SLC12A7: variants seen among roughly 807,000 people sequenced by gnomAD.
SLC12A7 encodes the protein K-Cl cotransporter 4.
Under a neutral mutation model 120.6 loss-of-function variants are expected in SLC12A7, and 100 were observed. The observed-to-expected ratio is 0.83, with a 90% CI of 0.71 to 0.98. The LOEUF is 0.98. Among genes scored for constraint, SLC12A7 ranks in the 50% least tolerant of loss-of-function variants. The pLI is 0.00. For missense variants in SLC12A7, 1,373 were observed against 1,548.1 expected (o/e 0.89, Z 1.90); for synonymous variants, 760 against 678.0 (o/e 1.12, Z -1.88).
At chr5:1,119,862 G>T in the SLC12A7 span, among the ~76,000 whole-genome samples, 2 of 152,226 alleles carry the variant, frequency 1.3e-5, no homozygotes, top group Non-Finnish European at 2.9e-5. Context: ...GTAGCCTCAG[G>T]CCTCCCCTCA....
At chr5:1,127,172 G>A in the SLC12A7 span, among the ~76,000 whole-genome samples, 131 of 152,314 alleles carry the variant, frequency 8.6e-4, no homozygotes, top group African/African-American at 3.0e-3. Flanking sequence ...ACGCCACCAC[G>A]CCCAGCTAAT....
chr5:1,082,093 C>T (rs1739208728), intron 8 of SLC12A7, among the ~76,000 whole-genome samples: 1 of 145,186 alleles, frequency 6.9e-6, no homozygotes, highest in Admixed American at 6.9e-5. Context: ...AAAGCCTGGG[C>T]TTCCTCTCTA....
chr5:1,088,350 G>T lies in SLC12A7; in HGVS notation c.500C>A (p.Thr167Asn). 1.3e-6 allele frequency: 2 copies of T among 1,582,622 alleles called. No homozygotes were observed. The highest frequency in any genetic ancestry group is 1.7e-6 in the Non-Finnish European group (2 of 1,164,614). The change falls in exon 5 of 24, where the codon ACC becomes AAC. Residue 167 changes from threonine to asparagine, a missense_variant. By Grantham distance (65) the Thr-to-Asn change is moderately conservative. Coordinates refer to ENST00000264930, the MANE Select transcript of SLC12A7 (RefSeq NM_006598.3). ...VAMCCTCTML[T>N]AISMSAIATN... is the part of the protein sequence containing the mutation. ...AGCGATCGCACTCATGGAAATGGCG[G>T]TCAGCATTGTCTGCAAAAAGACAGG...
chr5:1,129,139 C>G, the SLC12A7 span, among the ~76,000 whole-genome samples: 5 of 152,178 alleles, frequency 3.3e-5, no homozygotes, highest in Non-Finnish European at 7.4e-5. Flanking sequence ...TGCCTAGGGC[C>G]TGCCAGGCCA....
At position 1,077,833 on chromosome 5, in the gene SLC12A7, C is replaced by T. The variant is rs1738537803; in HGVS notation, c.1629G>A (p.Gln543=). ...IARDGIVPFL[Q]VFGHGKANGE... ...CCCCCGACGAGGGTGCGGGACTCAC[C>T]TGCAGGAAGGGGACGATGCCGTCAC... The change falls in exon 12 of 24, where the codon CAG becomes CAA. Residue 543 remains glutamine, a splice_region_variant and synonymous_variant. Coordinates refer to ENST00000264930, the MANE Select transcript of SLC12A7 (RefSeq NM_006598.3). 1 of 1,583,270 alleles carries T rather than the reference C, an allele frequency of 6.3e-7. No homozygotes were observed. Among genetic ancestry groups the T allele is most frequent in the Non-Finnish European group, 8.6e-7 (1 of 1,165,638 alleles).
the SLC12A7 span, among the ~76,000 whole-genome samples, chr5:1,137,416 G>C: frequency 7.2e-5 from 11 of 152,152 alleles, no homozygotes; most frequent in Non-Finnish European, 1.5e-4. Context: ...TTTCCTTACA[G>C]CTCAGCACCT....
chr5:1,073,660 C>A lies in SLC12A7; in HGVS notation c.2214G>T (p.Lys738Asn). Residue 738 changes from lysine to asparagine, a missense_variant, in exon 17 of 24, where the codon AAG becomes AAT. Lys to Asn is a moderately conservative substitution (Grantham distance 94, BLOSUM62 0). Coordinates refer to ENST00000264930, the MANE Select transcript of SLC12A7 (RefSeq NM_006598.3). The stretch of plus-strand genomic sequence containing the variant: ...CCTCGGCCCGCTGAGCCTCCATGTG[C>A]TTGTCCAGGTACGTCCCCTCCAGCA... ...GSVLEGTYLD[K>N]HMEAQRAEEN... The A allele has an allele frequency of 2.5e-6, 4 of 1,604,804 alleles. No individual in the cohort carries two copies. The highest frequency in any genetic ancestry group is 3.4e-6 in the Non-Finnish European group (4 of 1,176,328).
At chr5:1,119,112 C>T in the SLC12A7 span, among the ~76,000 whole-genome samples, 70 of 152,202 alleles carry the variant, frequency 4.6e-4, no homozygotes, top group Non-Finnish European at 6.3e-4. Context: ...TGATGAGAGC[C>T]GACACAGGCA....
chr5:1,052,203 G>A lies in SLC12A7; in HGVS notation c.*157C>T, dbSNP rs756099332. The A allele has an allele frequency of 2.4e-5, 16 of 653,654 alleles. No homozygotes were observed. The highest frequency in any genetic ancestry group is 5.2e-5 in the East Asian group (2 of 38,306). The allele number at this position is 653,654 out of a possible 1,614,324, so 40.5% of individuals were successfully genotyped here. A position where few individuals can be genotyped will look rare whatever the true frequency, so the allele number is the denominator to read the frequency against. On this transcript the variant is annotated 3_prime_UTR_variant, in exon 24 of 24. Coordinates refer to ENST00000264930, the MANE Select transcript of SLC12A7 (RefSeq NM_006598.3). ...GCTGAACAGGAGAGCCCTAGGTGAC[G>A]GGCCTAGAAACTTCCGTAGGAAGCC...
chr5:1,123,120 C>T, the SLC12A7 span, among the ~76,000 whole-genome samples: 1 of 152,238 alleles, frequency 6.6e-6, no homozygotes, highest in Admixed American at 6.5e-5. Flanking sequence ...ATAAGCAGGG[C>T]ACGCTCGGGC....
rs1381601170 is a variant in SLC12A7, at chr5:1,096,828, AGGAAGGAGGGAGGGAG to A, written c.125-2596_125-2581del. On this transcript the variant is annotated intron_variant, in intron 1 of 23. Transcript: ENST00000264930. ...GGGAAGGAAGGAGGGAAGGGAGGGA[AGGAAGGAGGGAGGGAG>A]GGAAGGAGGGAGGGAGGGATGAAGG... 2.9e-3 allele frequency among the ~76,000 whole-genome samples: 126 copies of A among 42,984 alleles called. 10 individuals are homozygous for A. Among genetic ancestry groups the A allele is most frequent in the African/African-American group, 6.2e-3 (79 of 12,842 alleles). The allele number at this position is 42,984 out of a possible 152,430, so 28.2% of individuals were successfully genotyped here.
the SLC12A7 span, among the ~76,000 whole-genome samples, chr5:1,149,984 C>A: frequency 6.6e-6 from 1 of 152,048 alleles, no homozygotes; most frequent in African/African-American, 2.4e-5. Flanking sequence ...GAGCTGAGAT[C>A]GTGCCATTGC....
At chr5:1,106,953 C>T (rs568819763) in intron 1 of SLC12A7, among the ~76,000 whole-genome samples, 1 of 152,216 alleles carries the variant, frequency 6.6e-6, no homozygotes. Context: ...CTGCTCTGCT[C>T]GCCGGAGGCA....
At chr5:1,137,170 G>A in the SLC12A7 span, among the ~76,000 whole-genome samples, 2 of 152,104 alleles carry the variant, frequency 1.3e-5, no homozygotes, top group Non-Finnish European at 2.9e-5. Context: ...ACCCCCTCAA[G>A]CTCACCCTGC....
intron 1 of SLC12A7, among the ~76,000 whole-genome samples, chr5:1,097,186 G>A (rs1741350374): frequency 6.6e-6 from 1 of 152,306 alleles, no homozygotes; most frequent in East Asian, 1.9e-4. Flanking sequence ...TCTGCGTTCA[G>A]CAAGCAACCA....
chr5:1,066,063 G>A (rs993098104), intron 17 of SLC12A7, among the ~76,000 whole-genome samples: 2 of 152,148 alleles, frequency 1.3e-5, no homozygotes, highest in African/African-American at 4.8e-5. Context: ...GCACGTGCGT[G>A]GCCGAGGACC....
At position 1,060,373 on chromosome 5, in the gene SLC12A7, G is replaced by GC; in HGVS notation, c.2817dup (p.Gln940AlafsTer50). 2.5e-6 allele frequency: 4 copies of GC among 1,613,618 alleles called. No individual in the cohort carries two copies. The highest frequency in any genetic ancestry group is 3.4e-6 in the Non-Finnish European group (4 of 1,179,830). On this transcript the variant is annotated frameshift_variant, in exon 21 of 24. Coordinates refer to ENST00000264930, the MANE Select transcript of SLC12A7 (RefSeq NM_006598.3). LOFTEE classifies it high-confidence loss of function. ...CGCTCCTGCTCGTTCTTGGACAGCT[G>GC]CATCTGCTTCAGCATCTGCGACCTC...
intron 21 of SLC12A7, 149 bp from the exon 22 acceptor site, chr5:1,057,798 C>T (rs1735784732): frequency 2.7e-6 from 2 of 734,628 alleles, no homozygotes; most frequent in Non-Finnish European, 4.3e-6. Flanking sequence ...GCGTCCCACA[C>T]TGGTCCTGCG....
Position 1,053,435 on chromosome 5 carries a change from C to G in SLC12A7, c.3074G>C (p.Gly1025Ala). 2 of 1,613,924 alleles carry G rather than the reference C, an allele frequency of 1.2e-6. No homozygotes were observed. Among genetic ancestry groups the G allele is most frequent in the Non-Finnish European group, 1.7e-6 (2 of 1,180,014 alleles). Reference sequence around the variant, plus strand: ...ATCCTGGGACTTGTTGAGGACGACGCCATTGAGCTTCACAGCCGTGTGCAT... The same window carrying G: ...ATCCTGGGACTTGTTGAGGACGACGGCATTGAGCTTCACAGCCGTGTGCAT... Reference protein sequence around the residue: ...RRMHTAVKLNGVVLNKSQDAQ... With the variant: ...RRMHTAVKLNAVVLNKSQDAQ... The change falls in exon 23 of 24, where the codon GGC becomes GCC. Residue 1025 changes from glycine (G) to alanine (A), a missense_variant. Transcript: ENST00000264930.
Sources: gnomAD v4.1 joint callset for allele counts (sites outside exome capture counted in the v4.1 genomes callset) on GRCh38, gnomAD v4.1.1 for gene constraint, MANE v1.5 for transcripts, NCBI Gene and HGNC (gene_info 2026-07-23, HGNC 2026-07-21) for gene names.